PTPRK: variants seen among roughly 807,000 people sequenced by gnomAD.
PTPRK encodes protein tyrosine phosphatase receptor type K, also known as receptor-type tyrosine-protein phosphatase kappa.
PTPRK carries 75 observed loss-of-function variants against 178.0 expected under a neutral mutation model. That is an observed-to-expected ratio of 0.42 (90% CI 0.35 to 0.51). The LOEUF (loss-of-function observed/expected upper bound fraction) is 0.51. Among genes scored for constraint, PTPRK ranks in the 20% least tolerant of loss-of-function variants. The pLI is 0.02. For synonymous variants in PTPRK, 637 were observed against 620.6 expected, an observed-to-expected ratio of 1.03 and a Z score of -0.39; for missense variants, 1,441 against 1,797.8, an observed-to-expected ratio of 0.80 and a Z score of 3.59.
At chr6:128,383,058 T>C (rs1838171523) in intron 2 of PTPRK, among the ~76,000 whole-genome samples, 1 of 152,178 alleles carries the variant, frequency 6.6e-6, no homozygotes, top group Non-Finnish European at 1.5e-5. Flanking sequence ...TTCATTGACT[T>C]CAATTTTGAG....
chr6:128,354,231 G>GTTTTTTTTT (rs756148554), intron 2 of PTPRK, among the ~76,000 whole-genome samples: 3,209 of 49,306 alleles, frequency 0.065, 1,170 homozygotes, highest in South Asian at 0.073. Context: ...TTTTGTTTAT[G>GTTTTTTTTT]TTTTTTTTTT....
At chr6:128,003,929 A>T (rs2114701429) in intron 15 of PTPRK, among the ~76,000 whole-genome samples, 1 of 151,974 alleles carries the variant, frequency 6.6e-6, no homozygotes, top group Admixed American at 6.6e-5. Context: ...CTTAACTACT[A>T]ATTTGGTATA....
chr6:128,063,004 C>CA (rs1781123953), intron 13 of PTPRK, among the ~76,000 whole-genome samples: 1 of 152,072 alleles, frequency 6.6e-6, no homozygotes, highest in Non-Finnish European at 1.5e-5. Flanking sequence ...ATCCTCACAA[C>CA]AATAAGAAGG....
chr6:128,473,648 T>C (rs887531066), intron 1 of PTPRK, among the ~76,000 whole-genome samples: 1 of 152,022 alleles, frequency 6.6e-6, no homozygotes, highest in Non-Finnish European at 1.5e-5. Context: ...TCCTAGTTAT[T>C]TTTCAAGGAT....
intron 3 of PTPRK, among the ~76,000 whole-genome samples, chr6:128,251,550 G>A (rs1297393605): frequency 2.6e-5 from 4 of 152,088 alleles, no homozygotes; most frequent in Non-Finnish European, 5.9e-5. Flanking sequence ...AGTAACTAGG[G>A]CTCCAGAGAT....
chr6:128,331,135 G>C (rs1389169793), intron 2 of PTPRK, among the ~76,000 whole-genome samples: 1 of 152,136 alleles, frequency 6.6e-6, no homozygotes, highest in African/African-American at 2.4e-5. Context: ...AAAACTCCAT[G>C]AAAAGTTGGG....
At chr6:128,434,488 A>G (rs1255525564) in intron 1 of PTPRK, among the ~76,000 whole-genome samples, 1 of 152,202 alleles carries the variant, frequency 6.6e-6, no homozygotes, top group Admixed American at 6.5e-5. Context: ...CTAAATAGCC[A>G]TATGACTTGG....
At chr6:128,030,873 T>G (rs1775203844) in intron 13 of PTPRK, among the ~76,000 whole-genome samples, 1 of 152,170 alleles carries the variant, frequency 6.6e-6, no homozygotes, top group Non-Finnish European at 1.5e-5. Flanking sequence ...CACATGGAAA[T>G]GGTTACGAAC....
intron 18 of PTPRK, 136 bp from the exon 19 acceptor site, chr6:127,992,845 T>C: frequency 1.6e-6 from 1 of 606,782 alleles, no homozygotes; most frequent in South Asian, 2.7e-5. Flanking sequence ...AGTGAACACA[T>C]AGTTCACTTC....
intron 3 of PTPRK, among the ~76,000 whole-genome samples, chr6:128,298,956 T>C (rs1426188982): frequency 6.6e-6 from 1 of 152,162 alleles, no homozygotes; most frequent in African/African-American, 2.4e-5. Context: ...GACATGATTG[T>C]ATACCTAGAA....
chr6:128,188,554 G>GT (rs1803165867), intron 6 of PTPRK, among the ~76,000 whole-genome samples: 1 of 152,042 alleles, frequency 6.6e-6, no homozygotes, highest in Non-Finnish European at 1.5e-5. Context: ...ATAAAGTATC[G>GT]TAAGATTAGT....
At chr6:128,147,996 A>G (rs969219494) in intron 7 of PTPRK, among the ~76,000 whole-genome samples, 2 of 152,138 alleles carry the variant, frequency 1.3e-5, no homozygotes, top group African/African-American at 4.8e-5. Flanking sequence ...AGAAAAAAAA[A>G]CCACAGAAGA....
In PTPRK at chr6:128,005,066, T is replaced by C. The variant is rs1324036467; in HGVS notation, c.2494+18A>G. The C allele has an allele frequency of 6.3e-7, 1 of 1,594,092 alleles. No homozygotes were observed. On this transcript the variant is annotated intron_variant, in intron 15 of 29. Transcript: ENST00000368226. ...TGAGTTGTAACATCATTTATTAAAA[T>C]TTTAATGAAAAACTTACATCTTGGA...
intron 6 of PTPRK, 118 bp from the exon 7 acceptor site, chr6:128,184,843 C>T: frequency 9.4e-7 from 1 of 1,064,092 alleles, no homozygotes; most frequent in Non-Finnish European, 1.3e-6. Context: ...ATAATAAATA[C>T]TTGAAAGAAA....
At chr6:127,995,172 G>C (rs1777003522) in intron 18 of PTPRK, 1 of 1,357,394 alleles carries the variant, frequency 7.4e-7, no homozygotes, top group Non-Finnish European at 1.0e-6. Flanking sequence ...AGTAGTAACA[G>C]AGCGTTAGTA....
At chr6:128,462,119 G>C (rs1442256074) in intron 1 of PTPRK, among the ~76,000 whole-genome samples, 4 of 151,964 alleles carry the variant, frequency 2.6e-5, no homozygotes, top group Admixed American at 6.6e-5. Context: ...GTGGGCCACT[G>C]TGCTTGGCTA....
chr6:128,256,135 G>A (rs1817264439), intron 3 of PTPRK, among the ~76,000 whole-genome samples: 1 of 152,178 alleles, frequency 6.6e-6, no homozygotes, highest in Non-Finnish European at 1.5e-5. Context: ...GAGTCACAAT[G>A]TGGCAGAAGA....
chr6:128,013,351 T>G (rs574740255), intron 13 of PTPRK, among the ~76,000 whole-genome samples: 2 of 151,574 alleles, frequency 1.3e-5, no homozygotes, highest in Admixed American at 6.6e-5. Flanking sequence ...ACCATCCTGA[T>G]AACTGATCAC....
At chr6:128,310,712 T>C (rs1827116712) in intron 3 of PTPRK, among the ~76,000 whole-genome samples, 1 of 152,208 alleles carries the variant, frequency 6.6e-6, no homozygotes, top group Non-Finnish European at 1.5e-5. Context: ...CTCTTGGCTG[T>C]ATGCTGAGTG....
Sources: allele counts gnomAD v4.1 joint callset (sites outside exome capture counted in the v4.1 genomes callset), GRCh38; gene constraint gnomAD v4.1.1; transcripts MANE v1.5; gene names NCBI Gene and HGNC (gene_info 2026-07-23, HGNC 2026-07-21).